ROBO2: variants seen among roughly 807,000 people sequenced by gnomAD.
The protein encoded by ROBO2 is roundabout guidance receptor 2, also known as roundabout homolog 2.
Under a neutral mutation model 160.8 loss-of-function variants are expected in ROBO2, and 53 were observed. That is an observed-to-expected ratio of 0.33 (90% CI 0.26 to 0.41). The LOEUF (loss-of-function observed/expected upper bound fraction) is 0.41, where lower values mean the gene tolerates loss of function less well. Among genes scored for constraint, ROBO2 ranks in the 10% least tolerant of loss-of-function variants. The pLI, the probability that ROBO2 is intolerant of heterozygous loss-of-function variation, is 1.00. For synonymous variants in ROBO2, 664 were observed against 611.7 expected (o/e 1.09, Z -1.26); for missense variants, 1,577 against 1,722.4 (o/e 0.92, Z 1.49).
intron 2 of ROBO2, among the ~76,000 whole-genome samples, chr3:76,734,124 A>C (rs186291321): frequency 1.2e-3 from 178 of 152,280 alleles, no homozygotes; most frequent in Admixed American, 3.0e-3. Flanking sequence ...TTTGTACTTC[A>C]ACATACGAAC....
rs189325848 is a variant in ROBO2 at position 76,058,658 on chromosome 3, T to C, written c.109+121056T>C. 1.6e-3 allele frequency among the ~76,000 whole-genome samples: 242 copies of C among 147,550 alleles called. 3 individuals carry two copies. The highest frequency in any genetic ancestry group is 3.6e-3 in the Middle Eastern group (1 of 274). On this transcript the variant is annotated intron_variant, in intron 2 of 26. Coordinates refer to the ROBO2 transcript ENST00000487694. The stretch of plus-strand genomic sequence containing the variant: ...TTGTTTCCTTGCCTTTTTTTTTAAT[T>C]ATTATTATACTTAAAGTTCTAGGAT...
intron 2 of ROBO2, among the ~76,000 whole-genome samples, chr3:76,073,706 C>T (rs779734786): frequency 1.3e-5 from 2 of 152,122 alleles, no homozygotes; most frequent in African/African-American, 2.4e-5. Flanking sequence ...GCACTTGGGA[C>T]GCTAGAGCTG....
intron 2 of ROBO2, among the ~76,000 whole-genome samples, chr3:76,986,021 A>C (rs752395790): frequency 6.6e-6 from 1 of 152,200 alleles, no homozygotes; most frequent in Non-Finnish European, 1.5e-5. Context: ...TTGCCCACTG[A>C]CTATAAATCT....
intron 2 of ROBO2, among the ~76,000 whole-genome samples, chr3:76,276,082 TAAAG>T (rs1707902212): frequency 6.6e-6 from 1 of 151,922 alleles, no homozygotes; most frequent in Non-Finnish European, 1.5e-5. Flanking sequence ...TATTAAGAAA[TAAAG>T]AAAAAACTCA....
intron 2 of ROBO2, among the ~76,000 whole-genome samples, chr3:77,233,753 A>G (rs1212831627): frequency 1.3e-5 from 2 of 152,186 alleles, no homozygotes; most frequent in East Asian, 1.9e-4. Context: ...TTTAGAAAAG[A>G]AAATGTGAGC....
At chr3:76,603,751 A>G (rs1285008399) in intron 2 of ROBO2, among the ~76,000 whole-genome samples, 1 of 152,088 alleles carries the variant, frequency 6.6e-6, no homozygotes, top group East Asian at 1.9e-4. Flanking sequence ...TTCCATGTCT[A>G]GAGAGGAATA....
chr3:76,926,229 T>C (rs1052998701), intron 2 of ROBO2, among the ~76,000 whole-genome samples: 6 of 152,158 alleles, frequency 3.9e-5, no homozygotes, highest in Non-Finnish European at 8.8e-5. Context: ...ATTCCTTTGG[T>C]CGTACTAAAA....
At chr3:76,392,898 C>G (rs1256287818) in intron 2 of ROBO2, among the ~76,000 whole-genome samples, 1 of 152,140 alleles carries the variant, frequency 6.6e-6, no homozygotes, top group Admixed American at 6.5e-5. Flanking sequence ...GCTACTCAAA[C>G]TTTTGCTAAA....
intron 2 of ROBO2, among the ~76,000 whole-genome samples, chr3:76,671,938 T>A (rs566446490): frequency 6.6e-6 from 1 of 152,204 alleles, no homozygotes; most frequent in South Asian, 2.1e-4. Context: ...TTACACAGTA[T>A]TTTTTATGTA....
chr3:77,066,756 T>C (rs1006404412), intron 1 of ROBO2, among the ~76,000 whole-genome samples: 3 of 152,152 alleles, frequency 2.0e-5, no homozygotes, highest in African/African-American at 4.8e-5. Context: ...AAAGAATTTG[T>C]AGGGAATGAT....
chr3:76,824,943 C>T (rs1458792019), intron 2 of ROBO2, among the ~76,000 whole-genome samples: 2 of 152,120 alleles, frequency 1.3e-5, no homozygotes, highest in Non-Finnish European at 1.5e-5. Context: ...ACCTGCTGGT[C>T]CCAATAAAAC....
chr3:76,758,954 G>A (rs749128494), intron 2 of ROBO2, among the ~76,000 whole-genome samples: 12 of 151,920 alleles, frequency 7.9e-5, no homozygotes, highest in East Asian at 7.8e-4. Flanking sequence ...TTTGCTATGC[G>A]TATGAAGGAC....
In ROBO2 at chr3:76,065,474, A is replaced by G. The variant is rs143337131; in HGVS notation, c.109+127872A>G. Among the ~76,000 whole-genome samples, 10 of 152,128 alleles carry G rather than the reference A, an allele frequency of 6.6e-5. 1 individual carries two copies. The highest frequency in any genetic ancestry group is 2.4e-4 in the African/African-American group (10 of 41,576). On this transcript the variant is annotated intron_variant, in intron 2 of 26. Coordinates refer to the ROBO2 transcript ENST00000487694. ...AAATCGATACCAAAGATTGTTGGCC[A>G]CTAATTAACTGTATTTTGCACTGTA...
intron 2 of ROBO2, among the ~76,000 whole-genome samples, chr3:76,497,101 T>C (rs2080191052): frequency 6.6e-6 from 1 of 152,230 alleles, no homozygotes; most frequent in Non-Finnish European, 1.5e-5. Flanking sequence ...CATTATGTGG[T>C]TGTTTTTCAA....
chr3:77,009,973 T>C (rs764223446), intron 2 of ROBO2, among the ~76,000 whole-genome samples: 16 of 140,198 alleles, frequency 1.1e-4, no homozygotes, highest in Non-Finnish European at 1.7e-4. Flanking sequence ...AAAAAGTCAC[T>C]CTTATAACCA....
Position 76,990,140 on chromosome 3 carries a change from C to G in ROBO2, c.110-107874C>G, listed in dbSNP as rs180735732. 3.9e-5 allele frequency among the ~76,000 whole-genome samples: 6 copies of G among 152,170 alleles called. No homozygotes were observed. The East Asian group carries it at 1.2e-3, about 29-fold the overall frequency. ...TAAAATAAAATGAAAAACTAAAATG[C>G]AGAATTTTAGGGTAGCTATTACAAA... On this transcript the variant is annotated intron_variant, in intron 2 of 26. Transcript: ENST00000487694.
intron 17 of ROBO2, among the ~76,000 whole-genome samples, chr3:77,589,915 G>A (rs1361936945): frequency 6.6e-6 from 1 of 152,032 alleles, no homozygotes; most frequent in Non-Finnish European, 1.5e-5. Flanking sequence ...ATTCAATCTT[G>A]TATTCCTAAT....
intron 2 of ROBO2, among the ~76,000 whole-genome samples, chr3:76,590,555 G>A (rs958697251): frequency 3.3e-5 from 5 of 152,052 alleles, no homozygotes; most frequent in African/African-American, 1.2e-4. Flanking sequence ...AACTTTTGAA[G>A]GTGGAAGTTT....
intron 2 of ROBO2, among the ~76,000 whole-genome samples, chr3:77,192,868 G>A (rs2081986653): frequency 6.6e-6 from 1 of 151,648 alleles, no homozygotes; most frequent in Non-Finnish European, 1.5e-5. Flanking sequence ...TGGCCAGGCT[G>A]GTCTCAAACT....
Sources: gnomAD v4.1 joint callset for allele counts (sites outside exome capture counted in the v4.1 genomes callset) on GRCh38, gnomAD v4.1.1 for gene constraint, MANE v1.5 for transcripts, NCBI Gene and HGNC (gene_info 2026-07-23, HGNC 2026-07-21) for gene names.